Variants in RUNDC3B observed in about 807,000 individuals in gnomAD.
RUNDC3B encodes RUN domain-containing protein 3B.
A neutral mutation model predicts 58.4 loss-of-function variants in RUNDC3B; 33 were observed. That is an observed-to-expected ratio of 0.56 (90% CI 0.43 to 0.75). The LOEUF (loss-of-function observed/expected upper bound fraction) is 0.75, where lower values mean the gene tolerates loss of function less well. Among genes scored for constraint, RUNDC3B ranks in the 30% least tolerant of loss-of-function variants. RUNDC3B has a pLI of 0.00. For missense variants in RUNDC3B, 501 were observed against 535.7 expected (o/e 0.94, Z 0.64); for synonymous variants, 193 against 195.2 (o/e 0.99, Z 0.10).
At chr7:87,694,084 T>C in intron 2 of RUNDC3B, 1 of 1,513,694 alleles carries the variant, frequency 6.6e-7, no homozygotes, top group Non-Finnish European at 8.7e-7. Context: ...TAAAGCCTTC[T>C]TTTTTGTGTG....
At chr7:87,648,406 C>T (rs1207313549) in intron 1 of RUNDC3B, among the ~76,000 whole-genome samples, 1 of 151,802 alleles carries the variant, frequency 6.6e-6, no homozygotes, top group African/African-American at 2.4e-5. Flanking sequence ...GAAAATGTCC[C>T]AGAGGAAGTG....
intron 1 of RUNDC3B, among the ~76,000 whole-genome samples, chr7:87,646,387 G>A (rs1432172557): frequency 2.6e-5 from 4 of 152,086 alleles, no homozygotes; most frequent in Non-Finnish European, 4.4e-5. Flanking sequence ...GTTAAAGGTG[G>A]AAATTGAGTT....
At chr7:87,705,047 A>G (rs1193558673) in intron 3 of RUNDC3B, among the ~76,000 whole-genome samples, 2 of 152,216 alleles carry the variant, frequency 1.3e-5, no homozygotes, top group African/African-American at 2.4e-5. Context: ...TATCACAATT[A>G]TATCACAATT....
At chr7:87,802,186 G>A (rs184148236) in intron 8 of RUNDC3B, among the ~76,000 whole-genome samples, 1 of 152,226 alleles carries the variant, frequency 6.6e-6, no homozygotes, top group African/African-American at 2.4e-5. Flanking sequence ...GAGCCCAGGA[G>A]TTTGAGACCA....
At chr7:87,703,774 A>G (rs1829296229) in intron 3 of RUNDC3B, among the ~76,000 whole-genome samples, 1 of 151,388 alleles carries the variant, frequency 6.6e-6, no homozygotes, top group Non-Finnish European at 1.5e-5. Flanking sequence ...GTTTCCTCAA[A>G]CTACTGAATT....
At chr7:87,713,520 G>A (rs961945781) in intron 4 of RUNDC3B, among the ~76,000 whole-genome samples, 1 of 151,990 alleles carries the variant, frequency 6.6e-6, no homozygotes, top group African/African-American at 2.4e-5. Flanking sequence ...ACGTCTTAAT[G>A]AGCAGTTGAA....
At chr7:87,815,558 G>C (rs999422215) in intron 9 of RUNDC3B, among the ~76,000 whole-genome samples, 1 of 151,770 alleles carries the variant, frequency 6.6e-6, no homozygotes, top group Non-Finnish European at 1.5e-5. Flanking sequence ...TAGAAAATGG[G>C]CCTCAAAATA....
chr7:87,686,947 A>C (rs2130622532), intron 2 of RUNDC3B, among the ~76,000 whole-genome samples: 1 of 150,588 alleles, frequency 6.6e-6, no homozygotes, highest in East Asian at 1.9e-4. Context: ...CTCTATCTCC[A>C]AAAGAAAAAA....
intron 2 of RUNDC3B, among the ~76,000 whole-genome samples, chr7:87,655,541 A>G (rs1765294309): frequency 2.0e-5 from 3 of 152,194 alleles, no homozygotes. Flanking sequence ...AGTAGAGAGT[A>G]GAATGGTGGT....
intron 10 of RUNDC3B, among the ~76,000 whole-genome samples, chr7:87,821,120 T>C (rs971151383): frequency 6.6e-6 from 1 of 151,564 alleles, no homozygotes; most frequent in African/African-American, 2.4e-5. Flanking sequence ...GCAGATGACA[T>C]GATTGTATAT....
At chr7:87,721,659 G>A (rs1563162474) in intron 4 of RUNDC3B, among the ~76,000 whole-genome samples, 1 of 152,018 alleles carries the variant, frequency 6.6e-6, no homozygotes, top group Non-Finnish European at 1.5e-5. Context: ...CAGAATTTAG[G>A]TTAGCATTTC....
chr7:87,810,402 C>T (rs1056833755), intron 9 of RUNDC3B, among the ~76,000 whole-genome samples: 5 of 152,162 alleles, frequency 3.3e-5, no homozygotes, highest in African/African-American at 1.2e-4. Context: ...AGCTGAATCT[C>T]AGCTGTTTGT....
At chr7:87,647,810 A>G (rs377370990) in intron 1 of RUNDC3B, among the ~76,000 whole-genome samples, 14 of 152,316 alleles carry the variant, frequency 9.2e-5, no homozygotes, top group East Asian at 5.8e-4. Context: ...TCTGTCTAGG[A>G]TTTGTCCCTA....
chr7:87,799,258 T>C (rs1835988828), intron 8 of RUNDC3B, among the ~76,000 whole-genome samples: 1 of 152,170 alleles, frequency 6.6e-6, no homozygotes, highest in African/African-American at 2.4e-5. Context: ...AGAGTTTATG[T>C]TGAGTAGAGG....
At chr7:87,810,156 A>C (rs1836634503) in intron 9 of RUNDC3B, among the ~76,000 whole-genome samples, 2 of 152,186 alleles carry the variant, frequency 1.3e-5, no homozygotes, top group Non-Finnish European at 2.9e-5. Context: ...CAATTTAAGA[A>C]GAGAGTGTTA....
At chr7:87,702,892 G>A (rs1452892111) in intron 3 of RUNDC3B, among the ~76,000 whole-genome samples, 1 of 152,072 alleles carries the variant, frequency 6.6e-6, no homozygotes, top group Admixed American at 6.5e-5. Context: ...CAAGCATTTT[G>A]GAAAAGGTAT....
chr7:87,759,067 G>T (rs1308093801), intron 6 of RUNDC3B, among the ~76,000 whole-genome samples: 1 of 152,200 alleles, frequency 6.6e-6, no homozygotes, highest in Non-Finnish European at 1.5e-5. Context: ...CAATAGCTAA[G>T]ATGTGGGATC....
chr7:87,812,763 G>C (rs1436195979), intron 9 of RUNDC3B, among the ~76,000 whole-genome samples: 9 of 152,208 alleles, frequency 5.9e-5, no homozygotes, highest in African/African-American at 2.2e-4. Flanking sequence ...TTCTGAGAAA[G>C]TAATAGCTGT....
In RUNDC3B at chr7:87,749,176, G is replaced by C. The variant is rs143231741; in HGVS notation, c.629+7597G>C. ...GGCTGTATTCAGTGATTTAGGAAAT[G>C]ACTTAAAATACAAAGAGATATGTAT... On this transcript the variant is annotated intron_variant, in intron 6 of 10. Coordinates refer to ENST00000394654, the MANE Select transcript of RUNDC3B (RefSeq NM_001134405.2). Among the ~76,000 whole-genome samples, 201 of 152,258 alleles carry C rather than the reference G, an allele frequency of 1.3e-3. 2 individuals are homozygous for C. In the South Asian group the frequency reaches 0.016, roughly 12 times the overall value.
Sources: allele counts gnomAD v4.1 joint callset (sites outside exome capture counted in the v4.1 genomes callset), GRCh38; gene constraint gnomAD v4.1.1; transcripts MANE v1.5; gene names NCBI Gene and HGNC (gene_info 2026-07-23, HGNC 2026-07-21).